ADAMTS6: variants seen among roughly 807,000 people sequenced by gnomAD.
The protein encoded by ADAMTS6 is ADAM metallopeptidase with thrombospondin type 1 motif 6.
Under a neutral mutation model 144.3 loss-of-function variants are expected in ADAMTS6, and 23 were observed. That is an observed-to-expected ratio of 0.16 (90% CI 0.11 to 0.23). The LOEUF (loss-of-function observed/expected upper bound fraction) is 0.23, where lower values mean the gene tolerates loss of function less well. ADAMTS6 is among the 10% of genes least tolerant of loss of function. The probability of loss-of-function intolerance (pLI) is 1.00; values close to 1 mark genes in which losing one functional copy is unlikely to be tolerated. For missense variants in ADAMTS6, 999 were observed against 1,379.6 expected, an observed-to-expected ratio of 0.72 and a Z score of 4.37; for synonymous variants, 444 against 457.5, an observed-to-expected ratio of 0.97 and a Z score of 0.38.
rs369268339 is a variant in ADAMTS6, at chr5:65,291,172, T to C, written c.1512+157A>G. ...ATTATTGAAACATTTAGAAAAAATA[T>C]TGTACATATGATGTCAGAAAAACTG... On this transcript the variant is annotated intron_variant, in intron 11 of 24. Coordinates refer to ENST00000381055, the MANE Select transcript of ADAMTS6 (RefSeq NM_197941.4). Among the ~76,000 whole-genome samples the C allele has an allele frequency of 2.0e-5, 3 of 152,168 alleles. No homozygotes were observed. In the East Asian group the frequency reaches 5.8e-4, roughly 29 times the overall value.
At chr5:65,347,095 A>G (rs1748395256) in intron 7 of ADAMTS6, among the ~76,000 whole-genome samples, 1 of 151,930 alleles carries the variant, frequency 6.6e-6, no homozygotes, top group African/African-American at 2.4e-5. Flanking sequence ...AGAAAAATCA[A>G]TATTGGCAGA....
At chr5:65,388,103 G>A (rs564221442) in intron 7 of ADAMTS6, among the ~76,000 whole-genome samples, 1 of 152,154 alleles carries the variant, frequency 6.6e-6, no homozygotes, top group East Asian at 1.9e-4. Context: ...CCAGCTATTC[G>A]GGAGGATGAG....
At chr5:65,416,792 A>C (rs970086216) in intron 7 of ADAMTS6, among the ~76,000 whole-genome samples, 3 of 151,038 alleles carry the variant, frequency 2.0e-5, no homozygotes, top group Non-Finnish European at 4.4e-5. Flanking sequence ...AATAAAATAA[A>C]ATAAAATAAT....
intron 14 of ADAMTS6, among the ~76,000 whole-genome samples, chr5:65,247,077 GAC>G (rs542856243): frequency 3.3e-5 from 5 of 152,138 alleles, no homozygotes; most frequent in Non-Finnish European, 7.4e-5. Context: ...GTAAAAGCCT[GAC>G]AGATTTTCAG....
chr5:65,156,956 C>A (rs1169865419), intron 24 of ADAMTS6, among the ~76,000 whole-genome samples: 2 of 152,208 alleles, frequency 1.3e-5, no homozygotes, highest in African/African-American at 4.8e-5. Context: ...TTTTTACACC[C>A]CACTCCACCC....
intron 7 of ADAMTS6, among the ~76,000 whole-genome samples, chr5:65,401,218 G>A (rs1377566723): frequency 1.3e-5 from 2 of 152,146 alleles, no homozygotes; most frequent in East Asian, 3.8e-4. Context: ...CTACAATTAG[G>A]TCTCAGCCTT....
intron 11 of ADAMTS6, among the ~76,000 whole-genome samples, chr5:65,285,777 G>T (rs1300580902): frequency 6.6e-6 from 1 of 152,162 alleles, no homozygotes; most frequent in Non-Finnish European, 1.5e-5. Flanking sequence ...AAGTAATGTT[G>T]TTAGAAAAGG....
At position 65,429,095 on chromosome 5, in the gene ADAMTS6, TGCCCCTTCTCTACTGAAGCAG is replaced by T. The variant is rs541567276; in HGVS notation, c.1073+22359_1073+22379del. Among the ~76,000 whole-genome samples, 97 of 152,300 alleles carry T rather than the reference TGCCCCTTCTCTACTGAAGCAG, an allele frequency of 6.4e-4. No individual in the cohort carries two copies. In the East Asian group the frequency reaches 0.018, roughly 28 times the overall value. On this transcript the variant is annotated intron_variant, in intron 7 of 24. Coordinates refer to ENST00000381055, the MANE Select transcript of ADAMTS6 (RefSeq NM_197941.4). ...CACAGAAACTAGAAAGAATTTCCCT[TGCCCCTTCTCTACTGAAGCAG>T]GTCATAAAACCTAACTGACCTTTCC...
chr5:65,152,863 T>G (rs1359600622), intron 24 of ADAMTS6, among the ~76,000 whole-genome samples: 1 of 152,234 alleles, frequency 6.6e-6, no homozygotes, highest in Non-Finnish European at 1.5e-5. Context: ...CTCTGTAAAC[T>G]TAGTAATGAA....
In ADAMTS6 at chr5:65,432,672, G is replaced by C. The variant is rs115498432; in HGVS notation, c.1073+18803C>G. ...AATTTCTTTTTTTATTAGTTTTGTT[G>C]AGTTTGTTTTAACATAAAAGAAATG... is the stretch of plus-strand genomic sequence containing the variant. On this transcript the variant is annotated intron_variant, in intron 7 of 24. Transcript: ENST00000381055. Among the ~76,000 whole-genome samples the C allele has an allele frequency of 7.3e-3, 1,117 of 152,014 alleles. 13 individuals are homozygous for C. Among genetic ancestry groups the C allele is most frequent in the African/African-American group, 0.026 (1,085 of 41,478 alleles).
chr5:65,444,378 G>T (rs1441541819), intron 7 of ADAMTS6, among the ~76,000 whole-genome samples: 2 of 151,972 alleles, frequency 1.3e-5, no homozygotes, highest in African/African-American at 4.8e-5. Flanking sequence ...CACACAAAAA[G>T]CTATTAAAAC....
At chr5:65,253,287 G>A (rs545641313) in intron 14 of ADAMTS6, among the ~76,000 whole-genome samples, 1 of 152,138 alleles carries the variant, frequency 6.6e-6, no homozygotes. Context: ...AAGAACTCTC[G>A]TTCTCCAGCT....
intron 15 of ADAMTS6, among the ~76,000 whole-genome samples, chr5:65,237,027 G>A (rs562111463): frequency 3.3e-5 from 5 of 152,112 alleles, no homozygotes; most frequent in African/African-American, 9.6e-5. Flanking sequence ...ACAAGAGAAT[G>A]TTATGATCAA....
At chr5:65,420,181 C>T (rs1003894275) in intron 7 of ADAMTS6, among the ~76,000 whole-genome samples, 1 of 151,908 alleles carries the variant, frequency 6.6e-6, no homozygotes, top group African/African-American at 2.4e-5. Flanking sequence ...TGAGAACTTA[C>T]TCACTATCAT....
At chr5:65,282,026 A>C (rs1016278222) in intron 11 of ADAMTS6, among the ~76,000 whole-genome samples, 1 of 152,208 alleles carries the variant, frequency 6.6e-6, no homozygotes, top group Non-Finnish European at 1.5e-5. Context: ...TCATGAAAGA[A>C]TAAAATCATT....
chr5:65,161,334 G>A (rs78921919), intron 24 of ADAMTS6, among the ~76,000 whole-genome samples: 2,594 of 152,272 alleles, frequency 0.017, 34 homozygotes, highest in Middle Eastern at 0.051. Flanking sequence ...CACCGTGCCC[G>A]GCCTCCTTGT....
intron 11 of ADAMTS6, among the ~76,000 whole-genome samples, chr5:65,282,148 G>A (rs539280771): frequency 5.0e-4 from 76 of 152,234 alleles, no homozygotes; most frequent in African/African-American, 1.8e-3. Flanking sequence ...ATTTATTCTA[G>A]GTCAAATATG....
At chr5:65,461,059 A>T (rs1389933112) in intron 3 of ADAMTS6, among the ~76,000 whole-genome samples, 1 of 152,220 alleles carries the variant, frequency 6.6e-6, no homozygotes, top group Non-Finnish European at 1.5e-5. Context: ...TATTACATAG[A>T]GGTAAGTGAG....
At chr5:65,226,007 C>A (rs1757693453) in intron 16 of ADAMTS6, 79 bp downstream of exon 16, 2 of 1,401,264 alleles carry the variant, frequency 1.4e-6, no homozygotes, top group East Asian at 2.5e-5. Flanking sequence ...AAAAATTAAA[C>A]ATAGTATTAA....
Sources: allele counts gnomAD v4.1 joint callset (sites outside exome capture counted in the v4.1 genomes callset), GRCh38; gene constraint gnomAD v4.1.1; transcripts MANE v1.5; gene names NCBI Gene and HGNC (gene_info 2026-07-23, HGNC 2026-07-21).